The following CAPN15 variants were observed in gnomAD, a reference collection of about 807,000 sequenced individuals.
CAPN15 encodes the protein calpain-15.
Under a neutral mutation model 97.9 loss-of-function variants are expected in CAPN15, and 53 were observed. The ratio of observed to expected loss-of-function variants is 0.54; its 90% CI spans 0.43 to 0.68. CAPN15 has a LOEUF of 0.68. Ranked by LOEUF, CAPN15 falls within the 30% of genes least tolerant of loss-of-function variation. The pLI, the probability that CAPN15 is intolerant of heterozygous loss-of-function variation, is 0.00. For synonymous variants in CAPN15, 922 were observed against 722.5 expected (o/e 1.28, Z -4.43); for missense variants, 1,592 against 1,589.8 (o/e 1.00, Z -0.02).
At chr16:537,154 G>C in intron 3 of CAPN15, 1 of 985,502 alleles carries the variant, frequency 1.0e-6, no homozygotes, top group Non-Finnish European at 1.2e-6. Context: ...TCTCTTCCGA[G>C]CACCCACGGG....
In CAPN15 at chr16:553,025, G is replaced by T. The variant is rs373233333; in HGVS notation, c.3067G>T (p.Val1023Leu). Reference protein sequence around the residue: ...TRGSLRTQDSVPPLHRQVLVI... With the variant: ...TRGSLRTQDSLPPLHRQVLVI... Reference sequence around the variant, plus strand: ...CGGCAGCCTGCGTACCCAGGATAGCGTGCCACCCCTGCACAGGTGCGCCCC... The same window carrying T: ...CGGCAGCCTGCGTACCCAGGATAGCTTGCCACCCCTGCACAGGTGCGCCCC... Residue 1023 changes from valine (V) to leucine (L), a missense_variant, in exon 13 of 14, where the codon GTG (valine) becomes TTG (leucine). Physicochemically the swap from Val to Leu is conservative, Grantham distance 32. Transcript: ENST00000219611. 6 of 1,597,300 alleles carry T rather than the reference G, an allele frequency of 3.8e-6. No homozygotes were observed. Among genetic ancestry groups the T allele is most frequent in the Non-Finnish European group, 5.1e-6 (6 of 1,172,140 alleles).
intron 1 of CAPN15, among the ~76,000 whole-genome samples, chr16:531,035 T>G (rs1596315635): frequency 1.3e-5 from 2 of 152,360 alleles, no homozygotes; most frequent in East Asian, 3.9e-4. Context: ...CTGGCGGTCC[T>G]AGACGGGATG....
intron 3 of CAPN15, chr16:537,246 T>C (rs1168012225): frequency 1.8e-5 from 18 of 985,420 alleles, no homozygotes; most frequent in Non-Finnish European, 2.0e-5. Context: ...TGCCTGAGAC[T>C]GGCTCCAGCT....
chr16:540,345 C>G, intron 3 of CAPN15: 1 of 985,570 alleles, frequency 1.0e-6, no homozygotes, highest in Non-Finnish European at 1.2e-6. Context: ...GCCGGCAGCA[C>G]CAGCCCCCAC....
chr16:552,207 C>A lies in CAPN15; in HGVS notation c.2502C>A (p.Gly834=). ...ASLEFALFQE[G]SRRSDAVDSH... is the part of the protein sequence containing the mutation. ...TGGAGTTCGCGCTCTTCCAGGAGGGCAGCAGGTGGGTGCTGCGGGGCCCCA... is the reference window on the plus strand; with the variant it reads ...TGGAGTTCGCGCTCTTCCAGGAGGGAAGCAGGTGGGTGCTGCGGGGCCCCA... The change falls in exon 10 of 14, where the codon GGC becomes GGA. Residue 834 remains glycine (G), a synonymous_variant. Coordinates refer to ENST00000219611, the MANE Select transcript of CAPN15 (RefSeq NM_005632.3). This position sits in a 1 kb window ranked among gnomAD's most constrained non-coding sequence, Gnocchi z 6.4. The A allele has an allele frequency of 6.5e-7, 1 of 1,533,156 alleles. No individual in the cohort carries two copies. Among genetic ancestry groups the A allele is most frequent in the Non-Finnish European group, 8.8e-7 (1 of 1,137,502 alleles). 95.0% of individuals were successfully genotyped at this position (1,533,156 alleles called of 1,614,324 possible).
At chr16:534,206 C>T (rs1028589713) in intron 2 of CAPN15, among the ~76,000 whole-genome samples, 10 of 152,214 alleles carry the variant, frequency 6.6e-5, no homozygotes, top group African/African-American at 1.2e-4. Flanking sequence ...TGGGAGGCGA[C>T]GGTGAGGGCG....
At chr16:533,650 T>A (rs1170699117) in intron 1 of CAPN15, among the ~76,000 whole-genome samples, 1 of 152,146 alleles carries the variant, frequency 6.6e-6, no homozygotes, top group Non-Finnish European at 1.5e-5. Context: ...GGATCTTGAA[T>A]GGCCCTGTCT....
intron 3 of CAPN15, among the ~76,000 whole-genome samples, chr16:546,506 A>G (rs933133280): frequency 6.6e-6 from 1 of 152,176 alleles, no homozygotes; most frequent in Non-Finnish European, 1.5e-5. Flanking sequence ...TCTGCCGTCC[A>G]CAGGCCTGGT....
chr16:547,410 C>T lies in CAPN15; in HGVS notation c.572C>T (p.Ala191Val), dbSNP rs751660818. The T allele has an allele frequency of 6.4e-7, 1 of 1,569,290 alleles. No individual in the cohort carries two copies. The highest frequency in any genetic ancestry group is 1.8e-5 in the Admixed American group (1 of 56,244). ...GTGGTCCCGGAAGTGGTGGCCCCGG[C>T]CGGCTTCCACGTCGTGCCTGCCGCG... is the stretch of plus-strand genomic sequence containing the variant. ...ALVVPEVVAP[A>V]GFHVVPAAPP... is the part of the protein sequence containing the mutation. Residue 191 changes from alanine (A) to valine (V), a missense_variant, in exon 4 of 14, where the codon GCC becomes GTC. Ala to Val is a moderately conservative substitution (Grantham distance 64). Around this residue, in one of 3 missense-constraint regions of CAPN15, gnomAD observed 883 missense variants for 776.6 expected, o/e 1.14. Transcript: ENST00000219611.
chr16:534,547 G>A (rs978617516), intron 2 of CAPN15, among the ~76,000 whole-genome samples: 2 of 152,208 alleles, frequency 1.3e-5, no homozygotes, highest in Non-Finnish European at 2.9e-5. Context: ...GACTCATGCA[G>A]GAGCTTCCTG....
In CAPN15 at chr16:547,709, T is replaced by C. The variant is rs752429291; in HGVS notation, c.871T>C (p.Ser291Pro). ...GGCCTCCCGCCTAGCAGAGTTGCTG[T>C]CTGGCAAGCGGCTGAGTGTGCTGGA... Reference protein sequence around the residue: ...AGASRLAELLSGKRLSVLEEE... With the variant: ...AGASRLAELLPGKRLSVLEEE... Residue 291 changes from serine to proline, a missense_variant, in exon 4 of 14, where the codon TCT (serine) becomes CCT (proline). Ser to Pro is a moderately conservative substitution (Grantham distance 74). Around this residue, in one of 3 missense-constraint regions of CAPN15, gnomAD observed 883 missense variants for 776.6 expected, o/e 1.14. Coordinates refer to ENST00000219611, the MANE Select transcript of CAPN15 (RefSeq NM_005632.3). The C allele has an allele frequency of 3.8e-6, 6 of 1,599,568 alleles. No homozygotes were observed. Among genetic ancestry groups the C allele is most frequent in the Non-Finnish European group, 5.1e-6 (6 of 1,171,664 alleles).
rs1436189389 is a variant in CAPN15 at position 546,769 on chromosome 16, C to G, written c.-22-48C>G. The G allele has an allele frequency of 2.0e-6, 3 of 1,512,498 alleles. No individual in the cohort carries two copies. In the African/African-American group the frequency reaches 4.2e-5, roughly 21 times the overall value. The allele number at this position is 1,512,498 out of a possible 1,614,324, so 93.7% of individuals were successfully genotyped here. A position where few individuals can be genotyped will look rare whatever the true frequency, so the allele number is the denominator to read the frequency against. Reference sequence around the variant, plus strand: ...AGGCCGAGAGGAGGGTGGGGTCCAGCCACTCAGGACCTCACAGGGTGGCCC... The same window carrying G: ...AGGCCGAGAGGAGGGTGGGGTCCAGGCACTCAGGACCTCACAGGGTGGCCC... On this transcript the variant is annotated intron_variant, in intron 3 of 13. Transcript: ENST00000219611.
At chr16:541,800 G>T (rs2034139520) in intron 3 of CAPN15, among the ~76,000 whole-genome samples, 1 of 152,254 alleles carries the variant, frequency 6.6e-6, no homozygotes, top group Admixed American at 6.5e-5. Flanking sequence ...CCACTGACCG[G>T]CTTCCTGTCT....
chr16:550,712 TC>T (rs1447148014), intron 7 of CAPN15, among the ~76,000 whole-genome samples: 65 of 44,596 alleles, frequency 1.5e-3, no homozygotes, highest in Admixed American at 2.9e-3. Context: ...TCGGTGAGGG[TC>T]CCCTGTCGGT....
At chr16:543,725 G>A (rs1394731437) in intron 3 of CAPN15, among the ~76,000 whole-genome samples, 3 of 152,178 alleles carry the variant, frequency 2.0e-5, no homozygotes, top group East Asian at 1.9e-4. Flanking sequence ...TCCACACGCG[G>A]AGCCCTCCCC....
rs754010610 is a variant in CAPN15, at chr16:554,542, A to G, written c.*1026A>G. ...GCTCTTGTGACACAGAGACTATTTTATCAATTGTCAGTCCCGTTCCTTTAC... is the reference window on the plus strand; with the variant it reads ...GCTCTTGTGACACAGAGACTATTTTGTCAATTGTCAGTCCCGTTCCTTTAC... On this transcript the variant is annotated 3_prime_UTR_variant, in exon 14 of 14. Coordinates refer to ENST00000219611, the MANE Select transcript of CAPN15 (RefSeq NM_005632.3). The G allele has an allele frequency of 1.5e-5, 7 of 456,212 alleles. No homozygotes were observed. Among genetic ancestry groups the G allele is most frequent in the South Asian group, 9.3e-5 (6 of 64,566 alleles). 28.3% of individuals were successfully genotyped at this position (456,212 alleles called of 1,614,324 possible).
chr16:552,834 TG>T lies in CAPN15; in HGVS notation c.2905-28del. 9.2e-7 allele frequency: 1 copy of T among 1,092,486 alleles called. No homozygotes were observed. Among genetic ancestry groups the T allele is most frequent in the Non-Finnish European group, 1.3e-6 (1 of 782,176 alleles). 67.7% of individuals were successfully genotyped at this position (1,092,486 alleles called of 1,614,324 possible). A position where few individuals can be genotyped will look rare whatever the true frequency, so the allele number is the denominator to read the frequency against. The stretch of plus-strand genomic sequence containing the variant: ...GGGGAGTATGCCCCAGCACCTCCCC[TG>T]CCCCACAACTGCCATTCCTGTGCCC... On this transcript the variant is annotated intron_variant, in intron 12 of 13. Transcript: ENST00000219611. The surrounding 1 kb of genome is among the most constrained non-coding windows in gnomAD (Gnocchi z 6.4).
At chr16:536,314 C>G (rs2033720119) in intron 3 of CAPN15, among the ~76,000 whole-genome samples, 172 bp downstream of exon 3, 4 of 152,328 alleles carry the variant, frequency 2.6e-5, no homozygotes, top group Admixed American at 2.0e-4. Context: ...GCTGCTGGTG[C>G]TGCCCTCCCT....
intron 3 of CAPN15, chr16:543,128 G>C (rs2034263727): frequency 1.3e-5 from 2 of 152,758 alleles, no homozygotes; most frequent in South Asian, 4.1e-4. Context: ...ACTCCAGCTT[G>C]GGCGACACAG....
Sources: allele counts gnomAD v4.1 joint callset (sites outside exome capture counted in the v4.1 genomes callset), GRCh38; gene constraint gnomAD v4.1.1; regional missense constraint gnomAD v4.1.1; non-coding constraint Gnocchi (gnomAD v3.1); transcripts MANE v1.5; gene names NCBI Gene and HGNC (gene_info 2026-07-23, HGNC 2026-07-21).